SNX27: variants seen among roughly 807,000 people sequenced by gnomAD.
SNX27 encodes the protein sorting nexin 27, also known as sorting nexin-27.
In SNX27, 22 loss-of-function variants were observed where a neutral mutation model predicts 71.6. The ratio of observed to expected loss-of-function variants is 0.31; its 90% confidence interval spans 0.22 to 0.44. The LOEUF (loss-of-function observed/expected upper bound fraction) is 0.44, where lower values mean the gene tolerates loss of function less well. SNX27 is among the 20% of genes least tolerant of loss of function. The pLI, the probability that SNX27 is intolerant of heterozygous loss-of-function variation, is 1.00. For missense variants in SNX27, 531 were observed against 698.6 expected, an observed-to-expected ratio of 0.76 and a Z score of 2.70; for synonymous variants, 269 against 277.2, an observed-to-expected ratio of 0.97 and a Z score of 0.29.
chr1:151,662,802 G>A (rs1375973776), intron 5 of SNX27: 1 of 151,538 alleles, frequency 6.6e-6, no homozygotes, highest in Non-Finnish European at 1.5e-5. Flanking sequence ...TTTTTTTATT[G>A]TAAAAAAACC....
intron 1 of SNX27, among the ~76,000 whole-genome samples, chr1:151,633,451 G>T (rs976506002): frequency 8.6e-5 from 13 of 151,810 alleles, no homozygotes; most frequent in Admixed American, 3.3e-4. Context: ...CCTGCTCCAG[G>T]ATGCCCAGCT....
chr1:151,654,882 G>C (rs753307699), intron 2 of SNX27, among the ~76,000 whole-genome samples: 1 of 152,054 alleles, frequency 6.6e-6, no homozygotes, highest in Admixed American at 6.6e-5. Flanking sequence ...AATACACTTC[G>C]TAATCCCACT....
At chr1:151,674,791 A>G (rs991395612) in intron 7 of SNX27, among the ~76,000 whole-genome samples, 3 of 151,906 alleles carry the variant, frequency 2.0e-5, no homozygotes, top group African/African-American at 7.3e-5. Context: ...GGTTCAAGCA[A>G]TTCTCCTGCC....
chr1:151,622,045 A>G (rs1026293607), intron 1 of SNX27, among the ~76,000 whole-genome samples: 1 of 152,224 alleles, frequency 6.6e-6, no homozygotes, highest in Non-Finnish European at 1.5e-5. Flanking sequence ...CTCATTTGGA[A>G]AAGGTCCGAC....
chr1:151,685,771 C>A (rs1671171405), intron 8 of SNX27, among the ~76,000 whole-genome samples: 1 of 152,178 alleles, frequency 6.6e-6, no homozygotes, highest in Non-Finnish European at 1.5e-5. Flanking sequence ...TTATTTTAAT[C>A]ATTTATGTGA....
At chr1:151,636,103 G>T (rs1231093557) in intron 1 of SNX27, among the ~76,000 whole-genome samples, 1 of 152,078 alleles carries the variant, frequency 6.6e-6, no homozygotes, top group Non-Finnish European at 1.5e-5. Flanking sequence ...CACATAAAAA[G>T]AATTTTACAT....
At chr1:151,668,873 C>CATTTA (rs1558064675) in intron 7 of SNX27, among the ~76,000 whole-genome samples, 1 of 152,056 alleles carries the variant, frequency 6.6e-6, no homozygotes, top group Non-Finnish European at 1.5e-5. Context: ...TATTTTTAAA[C>CATTTA]AATAGAAAAT....
chr1:151,682,851 G>A (rs1671030718), intron 7 of SNX27, among the ~76,000 whole-genome samples: 3 of 152,084 alleles, frequency 2.0e-5, no homozygotes, highest in Admixed American at 1.3e-4. Flanking sequence ...GCTGGCCAAT[G>A]TAGTGAAGCC....
At chr1:151,663,980 A>T (rs1670076031) in intron 5 of SNX27, among the ~76,000 whole-genome samples, 1 of 151,778 alleles carries the variant, frequency 6.6e-6, no homozygotes, top group South Asian at 2.1e-4. Context: ...TTCCTTGTCA[A>T]CTAACGCTAT....
In SNX27 at chr1:151,612,608, C is replaced by T; in HGVS notation, c.311+96C>T. On this transcript the variant is annotated intron_variant, in intron 1 of 11. Coordinates refer to ENST00000458013, the MANE Select transcript of SNX27 (RefSeq NM_001330723.2). This position sits in a 1 kb window ranked among gnomAD's most constrained non-coding sequence, Gnocchi z 5.2. ...TGTCACCCCCAGGCCGCACCTCCCCCGAGCTCCGAGCCGGCCTCCGGACCC... is the reference window on the plus strand; with the variant it reads ...TGTCACCCCCAGGCCGCACCTCCCCTGAGCTCCGAGCCGGCCTCCGGACCC... The T allele has an allele frequency of 1.0e-6, 1 of 995,778 alleles. No individual in the cohort carries two copies. The highest frequency in any genetic ancestry group is 1.3e-6 in the Non-Finnish European group (1 of 763,628). The allele number at this position is 995,778 out of a possible 1,614,324, so 61.7% of individuals were successfully genotyped here.
rs942146229 is a variant in SNX27 at position 151,698,503 on chromosome 1, C to A, written c.*4086C>A. 6.6e-6 allele frequency: 1 copy of A among 152,392 alleles called. No individual in the cohort carries two copies. The highest frequency in any genetic ancestry group is 2.4e-5 in the African/African-American group (1 of 41,446). 9.4% of individuals were successfully genotyped at this position (152,392 alleles called of 1,614,324 possible). ...CAGCTTCATTGTGTCACAGTAGCTT[C>A]CTTTGGGAGGATGATGTGATAGAAC... On this transcript the variant is annotated 3_prime_UTR_variant, in exon 12 of 12. Transcript: ENST00000458013.
chr1:151,655,316 T>C (rs1444941118), intron 2 of SNX27, among the ~76,000 whole-genome samples: 1 of 152,200 alleles, frequency 6.6e-6, no homozygotes, highest in African/African-American at 2.4e-5. Context: ...TGGAGGGAAG[T>C]TGAATGATTC....
At chr1:151,684,936 G>A (rs1341225078) in intron 8 of SNX27, among the ~76,000 whole-genome samples, 2 of 151,992 alleles carry the variant, frequency 1.3e-5, no homozygotes, top group Non-Finnish European at 2.9e-5. Context: ...AGCCTCTCGA[G>A]TAGCTGGGAC....
At position 151,698,709 on chromosome 1, in the gene SNX27, G is replaced by A. The variant is rs1000632349; in HGVS notation, c.*4292G>A. ...AATCTAGGGTATGTGGGAAGGTCAG[G>A]GCTGTGGTAAGGAATAGAATCAAAG... On this transcript the variant is annotated 3_prime_UTR_variant, in exon 12 of 12. Coordinates refer to ENST00000458013, the MANE Select transcript of SNX27 (RefSeq NM_001330723.2). 2.6e-5 allele frequency: 4 copies of A among 152,566 alleles called. No individual in the cohort carries two copies. Among genetic ancestry groups the A allele is most frequent in the African/African-American group, 9.6e-5 (4 of 41,458 alleles). 9.5% of individuals were successfully genotyped at this position (152,566 alleles called of 1,614,324 possible). A position where few individuals can be genotyped will look rare whatever the true frequency, so the allele number is the denominator to read the frequency against.
chr1:151,642,536 T>C (rs890333707), intron 2 of SNX27, among the ~76,000 whole-genome samples: 1 of 152,202 alleles, frequency 6.6e-6, no homozygotes, highest in African/African-American at 2.4e-5. Flanking sequence ...TTTTTTGTGT[T>C]CTAAGAAATC....
At chr1:151,615,652 T>C (rs1667392950) in intron 1 of SNX27, 31 of 977,510 alleles carry the variant, frequency 3.2e-5, no homozygotes, top group Non-Finnish European at 3.8e-5. Flanking sequence ...ATTATCATTG[T>C]GTGGATATAG....
At chr1:151,681,444 A>T (rs1011076286) in intron 7 of SNX27, among the ~76,000 whole-genome samples, 1 of 151,586 alleles carries the variant, frequency 6.6e-6, no homozygotes, top group South Asian at 2.1e-4. Flanking sequence ...GGGTTTCACC[A>T]TGTTAGCCAG....
chr1:151,617,878 GTTT>G (rs35075644), intron 1 of SNX27, among the ~76,000 whole-genome samples: 31,763 of 116,478 alleles, frequency 0.27, 4,359 homozygotes, highest in African/African-American at 0.39. Flanking sequence ...TTTTAGAGCT[GTTT>G]TTTTTTTTTT....
chr1:151,674,967 T>C (rs1451372804), intron 7 of SNX27, among the ~76,000 whole-genome samples: 1 of 152,166 alleles, frequency 6.6e-6, no homozygotes, highest in Non-Finnish European at 1.5e-5. Context: ...ATTACAGGTG[T>C]GAGCCACCGC....
Sources: allele counts gnomAD v4.1 joint callset (sites outside exome capture counted in the v4.1 genomes callset), GRCh38; gene constraint gnomAD v4.1.1; non-coding constraint Gnocchi (gnomAD v3.1); transcripts MANE v1.5; gene names NCBI Gene and HGNC (gene_info 2026-07-23, HGNC 2026-07-21).